The following SLC6A5 variants were observed in gnomAD, a reference collection of about 807,000 sequenced individuals.
The protein encoded by SLC6A5 is sodium- and chloride-dependent glycine transporter 2.
Under a neutral mutation model 90.5 loss-of-function variants are expected in SLC6A5, and 58 were observed. That is an observed-to-expected ratio of 0.64 (90% CI 0.52 to 0.80). The LOEUF is 0.80. Among genes scored for constraint, SLC6A5 ranks in the 30% least tolerant of loss-of-function variants. The pLI, the probability that SLC6A5 is intolerant of heterozygous loss-of-function variation, is 0.00. For missense variants in SLC6A5, 1,015 were observed against 1,017.6 expected (o/e 1.00, Z 0.03); for synonymous variants, 427 against 401.4 (o/e 1.06, Z -0.76).
At chr11:20,652,257 C>T (rs1280025583) in intron 14 of SLC6A5, 32 bp from the exon 15 acceptor site, 2 of 1,610,550 alleles carry the variant, frequency 1.2e-6, no homozygotes, top group Non-Finnish European at 1.7e-6. Context: ...CACGCCACCA[C>T]CCTAACACGT....
chr11:20,654,675 T>G, intron 15 of SLC6A5, 38 bp from the exon 16 acceptor site: 1 of 1,612,434 alleles, frequency 6.2e-7, no homozygotes, highest in Non-Finnish European at 8.5e-7. Flanking sequence ...GAAGGTGCAC[T>G]ACTTCTGTGA....
intron 9 of SLC6A5, 41 bp downstream of exon 9, chr11:20,628,124 T>A: frequency 6.8e-7 from 1 of 1,461,790 alleles, no homozygotes; most frequent in South Asian, 1.1e-5. Context: ...AGCTGGTGAG[T>A]GGGACAGAAG....
At chr11:20,615,056 A>T (rs1270881505) in intron 6 of SLC6A5, among the ~76,000 whole-genome samples, 1 of 152,206 alleles carries the variant, frequency 6.6e-6, no homozygotes, top group Non-Finnish European at 1.5e-5. Context: ...CATGATGCTG[A>T]TGAAAAGCCC....
chr11:20,629,393 G>C (rs1439567174), intron 9 of SLC6A5, among the ~76,000 whole-genome samples: 1 of 152,088 alleles, frequency 6.6e-6, no homozygotes, highest in Non-Finnish European at 1.5e-5. Context: ...TTTCTGTTCT[G>C]ATGAACAGAT....
At position 20,654,975 on chromosome 11, in the gene SLC6A5, C is replaced by T. The variant is rs745975842; in HGVS notation, c.*107C>T. ...TTTTTCTTCATCTTTCTTCCTACAT[C>T]TTGGTTCACATCCACGCATGAGAGT... is the stretch of plus-strand genomic sequence containing the variant. On this transcript the variant is annotated 3_prime_UTR_variant, in exon 16 of 16. Transcript: ENST00000525748. 8 of 1,192,958 alleles carry T rather than the reference C, an allele frequency of 6.7e-6. No individual in the cohort carries two copies. Among genetic ancestry groups the T allele is most frequent in the Non-Finnish European group, 1.0e-5 (8 of 796,472 alleles). The allele number at this position is 1,192,958 out of a possible 1,614,324, so 73.9% of individuals were successfully genotyped here.
Position 20,655,036 on chromosome 11 carries a change from G to T in SLC6A5, c.*168G>T. 1 of 755,560 alleles carries T rather than the reference G, an allele frequency of 1.3e-6. No homozygotes were observed. Among genetic ancestry groups the T allele is most frequent in the Admixed American group, 1.9e-5 (1 of 51,386 alleles). 46.8% of individuals were successfully genotyped at this position (755,560 alleles called of 1,614,324 possible). Reference sequence around the variant, plus strand: ...AAAAGTAGGCATAGTGTCGCATGCTGCAGTAAAGAGCTACATAGACCACCT... The same window carrying T: ...AAAAGTAGGCATAGTGTCGCATGCTTCAGTAAAGAGCTACATAGACCACCT... On this transcript the variant is annotated 3_prime_UTR_variant, in exon 16 of 16. Transcript: ENST00000525748.
intron 5 of SLC6A5, among the ~76,000 whole-genome samples, chr11:20,613,431 G>C (rs973652766): frequency 6.6e-6 from 1 of 152,106 alleles, no homozygotes; most frequent in African/African-American, 2.4e-5. Flanking sequence ...TTAAAGAGAG[G>C]CATTGTAAAA....
At chr11:20,613,780 C>T (rs558311028) in intron 5 of SLC6A5, among the ~76,000 whole-genome samples, 1 of 151,098 alleles carries the variant, frequency 6.6e-6, no homozygotes, top group Non-Finnish European at 1.5e-5. Flanking sequence ...CTGCCTCAGC[C>T]TCCCAAGTAT....
chr11:20,629,732 T>TC (rs1267232769), intron 9 of SLC6A5, among the ~76,000 whole-genome samples: 1 of 139,812 alleles, frequency 7.2e-6, no homozygotes, highest in Non-Finnish European at 1.5e-5. Flanking sequence ...GTAGGATGAT[T>TC]TTTTTTTTTT....
intron 14 of SLC6A5, among the ~76,000 whole-genome samples, chr11:20,651,978 C>A (rs928468058): frequency 6.6e-6 from 1 of 152,074 alleles, no homozygotes; most frequent in Admixed American, 6.5e-5. Context: ...CTGCCCACCT[C>A]TGCCTATTTG....
Position 20,601,467 on chromosome 11 carries a change from C to CG in SLC6A5, c.344dup (p.Asn116GlnfsTer6). ...CGCCCCCTCCCGGGAGCTCCGGGCC[C>CG]GGCAACGCGCTGCACTGTAAGATCC... On this transcript the variant is annotated frameshift_variant, in exon 2 of 16. Transcript: ENST00000525748. LOFTEE classifies it high-confidence loss of function. The CG allele has an allele frequency of 1.9e-6, 3 of 1,611,362 alleles. No homozygotes were observed. Among genetic ancestry groups the CG allele is most frequent in the Non-Finnish European group, 2.5e-6 (3 of 1,178,850 alleles).
intron 5 of SLC6A5, among the ~76,000 whole-genome samples, chr11:20,610,508 T>G (rs1180132961): frequency 6.6e-6 from 1 of 152,204 alleles, no homozygotes; most frequent in Non-Finnish European, 1.5e-5. Flanking sequence ...GTGTTTGCCC[T>G]CGTGTTAGTG....
chr11:20,648,056 C>T (rs1213573218), intron 14 of SLC6A5, among the ~76,000 whole-genome samples: 1 of 152,192 alleles, frequency 6.6e-6, no homozygotes, highest in Non-Finnish European at 1.5e-5. Context: ...CCCCACTTCA[C>T]ACTGCAAACA....
intron 11 of SLC6A5, among the ~76,000 whole-genome samples, 154 bp downstream of exon 11, chr11:20,636,573 G>A (rs549140635): frequency 4.0e-5 from 6 of 151,148 alleles, no homozygotes; most frequent in Admixed American, 3.9e-4. Flanking sequence ...CCTGTGTAGG[G>A]CTCAGGATCA....
intron 7 of SLC6A5, among the ~76,000 whole-genome samples, chr11:20,621,946 C>A (rs1191416293): frequency 1.3e-5 from 2 of 152,194 alleles, no homozygotes; most frequent in African/African-American, 4.8e-5. Flanking sequence ...GGCGCCTCTG[C>A]CTGAGAGTTG....
rs1324250209 is a variant in SLC6A5 at position 20,654,617 on chromosome 11, A to G, written c.2239-96A>G. The G allele has an allele frequency of 6.4e-6, 8 of 1,247,308 alleles. No individual in the cohort carries two copies. The South Asian group carries it at 9.6e-5, about 15-fold the overall frequency. The allele number at this position is 1,247,308 out of a possible 1,614,324, so 77.3% of individuals were successfully genotyped here. A position where few individuals can be genotyped will look rare whatever the true frequency, so the allele number is the denominator to read the frequency against. On this transcript the variant is annotated intron_variant, in intron 15 of 15. Coordinates refer to ENST00000525748, the MANE Select transcript of SLC6A5 (RefSeq NM_004211.5). ...CTTGGCTCAAGCAAGGACTCTGGTC[A>G]AAGTGGTCATAAGCAGTTTGGGGAT...
At chr11:20,615,179 G>T (rs1852761910) in intron 6 of SLC6A5, among the ~76,000 whole-genome samples, 1 of 152,130 alleles carries the variant, frequency 6.6e-6, no homozygotes, top group Non-Finnish European at 1.5e-5. Flanking sequence ...AAGAAGTCAT[G>T]TTCAGAGCTT....
rs1364927346 is a variant in SLC6A5, at chr11:20,656,610, T to A, written c.*1742T>A. On this transcript the variant is annotated 3_prime_UTR_variant, in exon 16 of 16. Transcript: ENST00000525748. The stretch of plus-strand genomic sequence containing the variant: ...TATCATCGCCATTTGCCAACATCAA[T>A]ATGAACTTCCAGTTTTTAAGAGTAG... 1 of 152,210 alleles carries A rather than the reference T, an allele frequency of 6.6e-6. No individual in the cohort carries two copies. The highest frequency in any genetic ancestry group is 1.5e-5 in the Non-Finnish European group (1 of 68,034). The allele number at this position is 152,210 out of a possible 1,614,324, so 9.4% of individuals were successfully genotyped here. A position where few individuals can be genotyped will look rare whatever the true frequency, so the allele number is the denominator to read the frequency against.
intron 3 of SLC6A5, 46 bp downstream of exon 3, chr11:20,604,470 A>T: frequency 6.2e-7 from 1 of 1,601,078 alleles, no homozygotes; most frequent in Non-Finnish European, 8.5e-7. Context: ...CGGGGCGGGC[A>T]CCTGAGGGTT....
Sources: gnomAD v4.1 joint callset for allele counts (sites outside exome capture counted in the v4.1 genomes callset) on GRCh38, gnomAD v4.1.1 for gene constraint, MANE v1.5 for transcripts, NCBI Gene and HGNC (gene_info 2026-07-23, HGNC 2026-07-21) for gene names.